The following MYO1G variants were observed in gnomAD, a reference collection of about 807,000 sequenced individuals.
The protein encoded by MYO1G is unconventional myosin-Ig.
Under a neutral mutation model 115.3 loss-of-function variants are expected in MYO1G, and 65 were observed. The observed-to-expected ratio is 0.56, with a 90% CI of 0.46 to 0.69. MYO1G has a LOEUF of 0.69. Among genes scored for constraint, MYO1G ranks in the 30% least tolerant of loss-of-function variants. MYO1G has a pLI of 0.00. For synonymous variants in MYO1G, 510 were observed against 552.6 expected (o/e 0.92, Z 1.08); for missense variants, 1,204 against 1,393.5 (o/e 0.86, Z 2.16).
chr7:44,968,778 T>G (rs2128701781), intron 12 of MYO1G: 1 of 153,006 alleles, frequency 6.5e-6, no homozygotes, highest in African/African-American at 2.4e-5. Context: ...GTGCTGGGGT[T>G]ACAGGCATGA....
intron 16 of MYO1G, 89 bp from the exon 17 acceptor site, chr7:44,965,949 G>A: frequency 6.5e-7 from 1 of 1,532,404 alleles, no homozygotes; most frequent in Admixed American, 1.7e-5. Flanking sequence ...CATTTATTGA[G>A]CACTCCCTGG....
Position 44,969,146 on chromosome 7 carries a change from G to A in MYO1G, c.1574+267C>T. Reference sequence around the variant, plus strand: ...CCCCCACCCCACAGATGCTGGTATAGGGTTGGGCCCAGACATGAGACGTGG... The same window carrying A: ...CCCCCACCCCACAGATGCTGGTATAAGGTTGGGCCCAGACATGAGACGTGG... On this transcript the variant is annotated intron_variant, in intron 12 of 21. Transcript: ENST00000258787. The surrounding 1 kb of genome is among the most constrained non-coding windows in gnomAD (Gnocchi z 5.0). The A allele has an allele frequency of 2.5e-6, 1 of 396,020 alleles. No homozygotes were observed. The highest frequency in any genetic ancestry group is 4.8e-6 in the Non-Finnish European group (1 of 209,938). The allele number at this position is 396,020 out of a possible 1,614,324, so 24.5% of individuals were successfully genotyped here.
chr7:44,966,767 AC>A lies in MYO1G; in HGVS notation c.1853del (p.Cys618PhefsTer14). Reference sequence around the variant, plus strand: ...GCCCCAGGTATGCGACCTGGTGGCGACAGTGGTTCTCATCCAGCTTCCCAGC... The same window carrying A: ...GCCCCAGGTATGCGACCTGGTGGCGAAGTGGTTCTCATCCAGCTTCCCAGC... The part of the protein sequence containing the change: ...KVAGKLDENH[C>X]RHQVAYLGLL... On this transcript the variant is annotated frameshift_variant, in exon 15 of 22. Coordinates refer to ENST00000258787, the MANE Select transcript of MYO1G (RefSeq NM_033054.3). LOFTEE classifies it high-confidence loss of function. This position sits in a 1 kb window ranked among gnomAD's most constrained non-coding sequence, Gnocchi z 5.0. 1 of 1,613,622 alleles carries A rather than the reference AC, an allele frequency of 6.2e-7. No homozygotes were observed. Among genetic ancestry groups the A allele is most frequent in the Non-Finnish European group, 8.5e-7 (1 of 1,179,994 alleles).
In MYO1G at chr7:44,963,403, C is replaced by A; in HGVS notation, c.2746-279G>T. 1 of 450,276 alleles carries A rather than the reference C, an allele frequency of 2.2e-6. No homozygotes were observed. Among genetic ancestry groups the A allele is most frequent in the Non-Finnish European group, 3.9e-6 (1 of 256,722 alleles). 27.9% of individuals were successfully genotyped at this position (450,276 alleles called of 1,614,324 possible). A position where few individuals can be genotyped will look rare whatever the true frequency, so the allele number is the denominator to read the frequency against. ...GGCCGCCACTGCTCACCTGTGGATG[C>A]TAAGCCCTTGCATGTGCTACTGCCT... On this transcript the variant is annotated intron_variant, in intron 20 of 21. Coordinates refer to ENST00000258787, the MANE Select transcript of MYO1G (RefSeq NM_033054.3). This position sits in a 1 kb window ranked among gnomAD's most constrained non-coding sequence, Gnocchi z 4.1.
At chr7:44,978,077 C>T (rs1332360406) in intron 1 of MYO1G, among the ~76,000 whole-genome samples, 1 of 152,206 alleles carries the variant, frequency 6.6e-6, no homozygotes, top group Non-Finnish European at 1.5e-5. Flanking sequence ...TTGAGCCAGG[C>T]TCGTGGTCTC....
At chr7:44,977,545 C>A (rs1195391179) in intron 1 of MYO1G, among the ~76,000 whole-genome samples, 1 of 152,076 alleles carries the variant, frequency 6.6e-6, no homozygotes, top group Non-Finnish European at 1.5e-5. Flanking sequence ...AAAGGGGACC[C>A]CACCCAGCCC....
Position 44,964,827 on chromosome 7 carries a change from G to C in MYO1G, c.2526+118C>G. On this transcript the variant is annotated intron_variant, in intron 18 of 21. Transcript: ENST00000258787. The surrounding 1 kb of genome is among the most constrained non-coding windows in gnomAD (Gnocchi z 5.1). ...GGGGGCTGAGGTACAGGGCCACCAG[G>C]ACAGACAACCCCAGGCCTGGGAGAG... The C allele has an allele frequency of 6.9e-7, 1 of 1,445,618 alleles. No homozygotes were observed. The highest frequency in any genetic ancestry group is 9.3e-7 in the Non-Finnish European group (1 of 1,069,558). 89.5% of individuals were successfully genotyped at this position (1,445,618 alleles called of 1,614,324 possible). A position where few individuals can be genotyped will look rare whatever the true frequency, so the allele number is the denominator to read the frequency against.
rs2269969 is a variant in MYO1G, at chr7:44,966,196, G to A, written c.2034C>T (p.His678=). The change falls in exon 16 of 22, where the codon CAC becomes CAT. Residue 678 remains histidine, a synonymous_variant. Transcript: ENST00000258787. The surrounding 1 kb of genome is among the most constrained non-coding windows in gnomAD (Gnocchi z 5.0). The stretch of plus-strand genomic sequence containing the variant: ...CAAAGGCCACGTCCCCCTGCAGCCC[G>A]TGCTGCTCCAGGAGAGCGCTCACGG... The part of the protein sequence containing the change: ...KAAVSALLEQ[H]GLQGDVAFGH... The A allele has an allele frequency of 0.19, 304,845 of 1,612,032 alleles. 31,848 individuals are homozygous for A. Among genetic ancestry groups the A allele is most frequent in the Non-Finnish European group, 0.21 (245,046 of 1,179,646 alleles).
chr7:44,972,327 T>C (rs1331190199), intron 5 of MYO1G, 102 bp from the exon 6 acceptor site: 6 of 864,620 alleles, frequency 6.9e-6, no homozygotes, highest in East Asian at 2.5e-5. Context: ...CCTTCCAGTA[T>C]TGAACGAACA....
At chr7:44,965,130 T>A (rs368757281) in intron 17 of MYO1G, 41 bp from the exon 18 acceptor site, 1 of 1,576,534 alleles carries the variant, frequency 6.3e-7, no homozygotes. Flanking sequence ...TGGCCATGTG[T>A]TCATGTGCTC....
chr7:44,975,232 G>A lies in MYO1G; in HGVS notation c.565-5C>T. 2 of 1,614,064 alleles carry A rather than the reference G, an allele frequency of 1.2e-6. No homozygotes were observed. Among genetic ancestry groups the A allele is most frequent in the African/African-American group, 1.3e-5 (1 of 75,038 alleles). On this transcript the variant is annotated splice_region_variant and splice_polypyrimidine_tract_variant and intron_variant, in intron 4 of 21. Transcript: ENST00000258787. The stretch of plus-strand genomic sequence containing the variant: ...GTGCTGCTTGAGGACCCGAGACTGA[G>A]GAGAGAGGGGCAGATGGACTCAGGC...
At chr7:44,972,365 A>T in intron 5 of MYO1G, 140 bp from the exon 6 acceptor site, 1 of 659,130 alleles carries the variant, frequency 1.5e-6, no homozygotes, top group Non-Finnish European at 2.7e-6. Flanking sequence ...GACAGTGTGA[A>T]CAGTTTCTGT....
At position 44,977,010 on chromosome 7, in the gene MYO1G, G is replaced by C; in HGVS notation, c.157C>G (p.Gln53Glu). Residue 53 changes from glutamine (Q) to glutamate (E), a missense_variant, in exon 2 of 22, where the codon CAG (glutamine) becomes GAG (glutamate). Coordinates refer to ENST00000258787, the MANE Select transcript of MYO1G (RefSeq NM_033054.3). ...GEVLVSVNPY[Q>E]ELPLYGPEAI... ...TCAGGCCCATACAGGGGCAGCTCCT[G>C]GTAGGGGTTCACGGACACCAGCACC... The C allele has an allele frequency of 6.2e-7, 1 of 1,613,662 alleles. No individual in the cohort carries two copies. Among genetic ancestry groups the C allele is most frequent in the Non-Finnish European group, 8.5e-7 (1 of 1,180,028 alleles).
chr7:44,977,345 A>G (rs1795075088), intron 1 of MYO1G, among the ~76,000 whole-genome samples: 1 of 152,164 alleles, frequency 6.6e-6, no homozygotes, highest in Non-Finnish European at 1.5e-5. Context: ...TGGAAACATG[A>G]CCACTCATTT....
rs748813866 is a variant in MYO1G at position 44,970,662 on chromosome 7, G to A, written c.1147C>T (p.Arg383Trp). Residue 383 changes from arginine to tryptophan, a missense_variant, in exon 9 of 22, where the codon CGG becomes TGG. Transcript: ENST00000258787. ...ATGACTGTGTCCTTGCCATCACGCC[G>A]AGGATCCCGGCCCCGGGGTTCCATG... ...SVMEPRGRDP[R>W]RDGKDTVIGV... The A allele has an allele frequency of 1.5e-5, 25 of 1,613,822 alleles. No homozygotes were observed. The highest frequency in any genetic ancestry group is 5.5e-5 in the South Asian group (5 of 91,084).
In MYO1G at chr7:44,963,264, C is replaced by G; in HGVS notation, c.2746-140G>C. 1.0e-6 allele frequency: 1 copy of G among 961,090 alleles called. No homozygotes were observed. Among genetic ancestry groups the G allele is most frequent in the Middle Eastern group, 3.3e-4 (1 of 2,994 alleles). 59.5% of individuals were successfully genotyped at this position (961,090 alleles called of 1,614,324 possible). ...CGCCCTCGCCAGGGCCACCAGCCCC[C>G]CACCGCCCCCTCCTCCCTCTCGGGG... On this transcript the variant is annotated intron_variant, in intron 20 of 21. Transcript: ENST00000258787. This position sits in a 1 kb window ranked among gnomAD's most constrained non-coding sequence, Gnocchi z 4.1.
Position 44,976,936 on chromosome 7 carries a change from A to G in MYO1G, c.231T>C (p.His77=), listed in dbSNP as rs547411301. 4.3e-6 allele frequency: 7 copies of G among 1,613,560 alleles called. No individual in the cohort carries two copies. In the South Asian group the frequency reaches 4.4e-5, roughly 10 times the overall value. Residue 77 remains histidine (H), a synonymous_variant, in exon 2 of 22, where the codon CAT becomes CAC. Transcript: ENST00000258787. ...QGRELYERPP[H]LYAVANAAYK... is the part of the protein sequence containing the mutation. ...AGGCGGCGTTGGCCACAGCATAGAGATGGGGTGGCCGCTCATAGAGCTCAC... is the reference window on the plus strand; with the variant it reads ...AGGCGGCGTTGGCCACAGCATAGAGGTGGGGTGGCCGCTCATAGAGCTCAC...
chr7:44,974,781 C>G (rs967642540), intron 5 of MYO1G: 12 of 263,892 alleles, frequency 4.5e-5, no homozygotes, highest in Non-Finnish European at 8.4e-5. Context: ...CAGAGGTGCT[C>G]AGAGTCAATG....
Position 44,969,508 on chromosome 7 carries a change from G to C in MYO1G, c.1504-25C>G. ...GCTATGGGGACAGGCTGAGGTCAAG[G>C]CACAAAAGGTATGTGGAGGGTCTGT... On this transcript the variant is annotated intron_variant, in intron 11 of 21. Transcript: ENST00000258787. This position sits in a 1 kb window ranked among gnomAD's most constrained non-coding sequence, Gnocchi z 5.0. 3 of 1,612,924 alleles carry C rather than the reference G, an allele frequency of 1.9e-6. No individual in the cohort carries two copies. The highest frequency in any genetic ancestry group is 2.5e-6 in the Non-Finnish European group (3 of 1,179,254).
Sources: gnomAD v4.1 joint callset for allele counts (sites outside exome capture counted in the v4.1 genomes callset) on GRCh38, gnomAD v4.1.1 for gene constraint, Gnocchi (gnomAD v3.1) non-coding constraint, MANE v1.5 for transcripts, NCBI Gene and HGNC (gene_info 2026-07-23, HGNC 2026-07-21) for gene names.